Variants in XIRP2 observed in about 807,000 individuals in gnomAD.
XIRP2 encodes the protein xin actin binding repeat containing 2.
In XIRP2, 236 loss-of-function variants were observed where a neutral mutation model predicts 277.0. The ratio of observed to expected loss-of-function variants is 0.85; its 90% CI spans 0.77 to 0.95. The LOEUF (loss-of-function observed/expected upper bound fraction) is 0.95. Ranked by LOEUF, XIRP2 falls within the 40% of genes least tolerant of loss-of-function variation. XIRP2 has a pLI of 0.00. For synonymous variants in XIRP2, 1,490 were observed against 1,416.5 expected, an observed-to-expected ratio of 1.05 and a Z score of -1.17; for missense variants, 4,640 against 4,157.5, an observed-to-expected ratio of 1.12 and a Z score of -3.19.
At chr2:166,965,449 T>A (rs1165385015) in intron 2 of XIRP2, among the ~76,000 whole-genome samples, 1 of 151,926 alleles carries the variant, frequency 6.6e-6, no homozygotes, top group Non-Finnish European at 1.5e-5. Context: ...ACTAAATATT[T>A]ATAGGTGATC....
intron 3 of XIRP2, among the ~76,000 whole-genome samples, chr2:167,181,959 TC>T (rs1693026281): frequency 6.6e-6 from 1 of 152,038 alleles, no homozygotes; most frequent in African/African-American, 2.4e-5. Flanking sequence ...CTTTCTTCAC[TC>T]CCCAAAGCCC....
intron 2 of XIRP2, among the ~76,000 whole-genome samples, chr2:166,957,491 G>A (rs1686190010): frequency 6.6e-6 from 1 of 151,610 alleles, no homozygotes; most frequent in Non-Finnish European, 1.5e-5. Flanking sequence ...ACTAACATAA[G>A]GGCTTAATAC....
At chr2:166,976,280 A>G (rs940299172) in intron 2 of XIRP2, among the ~76,000 whole-genome samples, 5 of 152,160 alleles carry the variant, frequency 3.3e-5, no homozygotes, top group African/African-American at 1.2e-4. Flanking sequence ...GTGTGAAGGC[A>G]AGTCTATTCT....
At chr2:167,036,764 A>G (rs1407852519) in intron 2 of XIRP2, among the ~76,000 whole-genome samples, 1 of 152,132 alleles carries the variant, frequency 6.6e-6, no homozygotes, top group Non-Finnish European at 1.5e-5. Context: ...CCCAAATCTC[A>G]ACTTGAATTT....
intron 2 of XIRP2, among the ~76,000 whole-genome samples, chr2:167,085,454 T>G (rs1241155830): frequency 4.0e-5 from 6 of 151,500 alleles, no homozygotes; most frequent in African/African-American, 1.5e-4. Context: ...AGATGTCTAT[T>G]AGGTCTGCTT....
chr2:167,121,491 A>G (rs557497859), intron 2 of XIRP2, among the ~76,000 whole-genome samples: 1 of 152,318 alleles, frequency 6.6e-6, no homozygotes, highest in South Asian at 2.1e-4. Flanking sequence ...AAAATATGTT[A>G]AAGCAGATTA....
At chr2:166,934,605 A>G (rs1265729544) in intron 2 of XIRP2, among the ~76,000 whole-genome samples, 4 of 152,224 alleles carry the variant, frequency 2.6e-5, no homozygotes, top group Non-Finnish European at 5.9e-5. Flanking sequence ...GTTACCTATG[A>G]ACATAAAATG....
chr2:166,941,824 A>G (rs1685727376), intron 2 of XIRP2, among the ~76,000 whole-genome samples: 1 of 152,228 alleles, frequency 6.6e-6, no homozygotes, highest in African/African-American at 2.4e-5. Context: ...ACAGTTTTGT[A>G]TCTTACTTTG....
At chr2:167,232,490 G>A (rs1272667985) in intron 5 of XIRP2, among the ~76,000 whole-genome samples, 1 of 151,794 alleles carries the variant, frequency 6.6e-6, no homozygotes, top group Non-Finnish European at 1.5e-5. Flanking sequence ...TTAGTTTCTG[G>A]ACTTAATTCT....
chr2:167,123,029 C>A (rs1451118794), intron 2 of XIRP2, among the ~76,000 whole-genome samples: 1 of 152,130 alleles, frequency 6.6e-6, no homozygotes, highest in East Asian at 1.9e-4. Context: ...GACTGGAATG[C>A]AGGCAGAATT....
At chr2:167,202,628 C>G (rs1019367710) in intron 3 of XIRP2, among the ~76,000 whole-genome samples, 2 of 152,182 alleles carry the variant, frequency 1.3e-5, no homozygotes, top group Non-Finnish European at 2.9e-5. Context: ...ATTTAGGGAG[C>G]TGGAACTGAA....
chr2:167,249,821 C>A lies in XIRP2; in HGVS notation c.8429C>A (p.Ser2810Tyr). Residue 2810 changes from serine to tyrosine, a missense_variant, in exon 9 of 11, where the codon TCT becomes TAT. Transcript: ENST00000409195. Reference sequence around the variant, plus strand: ...AGGAAGCAAAGAGAATTTAGCGGATCTGACAGAGGGAAACTTCCAGGAAGT... The same window carrying A: ...AGGAAGCAAAGAGAATTTAGCGGATATGACAGAGGGAAACTTCCAGGAAGT... ...VPRKQREFSGSDRGKLPGSEE... is the reference protein window; with the variant it reads ...VPRKQREFSGYDRGKLPGSEE... 4 of 1,613,326 alleles carry A rather than the reference C, an allele frequency of 2.5e-6. No homozygotes were observed. Among genetic ancestry groups the A allele is most frequent in the Non-Finnish European group, 3.4e-6 (4 of 1,179,716 alleles).
In XIRP2 at chr2:167,252,724, T is replaced by G. The variant is rs1199118485; in HGVS notation, c.10555+777T>G. ...CCCTACTTCTTGCAATTAATGAGGC[T>G]TCATGATAAAAGAATTTTATATAAT... On this transcript the variant is annotated intron_variant, in intron 9 of 10. Coordinates refer to ENST00000409195, the MANE Select transcript of XIRP2 (RefSeq NM_152381.6). Among the ~76,000 whole-genome samples the G allele has an allele frequency of 2.6e-5, 4 of 152,088 alleles. No individual in the cohort carries two copies. In the East Asian group the frequency reaches 7.8e-4, roughly 30 times the overall value.
chr2:166,890,983 G>A (rs1684085579), intron 1 of XIRP2, among the ~76,000 whole-genome samples: 1 of 152,152 alleles, frequency 6.6e-6, no homozygotes, highest in Non-Finnish European at 1.5e-5. Flanking sequence ...TCTCTTCCAT[G>A]ACTTACTAAA....
At chr2:167,160,786 A>C (rs561967337) in intron 3 of XIRP2, among the ~76,000 whole-genome samples, 26 of 152,272 alleles carry the variant, frequency 1.7e-4, no homozygotes, top group Middle Eastern at 3.4e-3. Flanking sequence ...TTTCAAAACC[A>C]GTGCCTTCCC....
At chr2:167,040,999 A>G (rs1395330113) in intron 2 of XIRP2, among the ~76,000 whole-genome samples, 2 of 152,192 alleles carry the variant, frequency 1.3e-5, no homozygotes, top group Admixed American at 6.5e-5. Flanking sequence ...TGCATTTGCC[A>G]GCATCCTCCA....
At position 167,243,996 on chromosome 2, in the gene XIRP2, AGGT is replaced by A; in HGVS notation, c.2609_2611del (p.Gly870del). ...ATTCTCTACAACGTGAGGAGATAATAGGTGGTGATGTACAAACTACTAAGCATC... is the reference window on the plus strand; with the variant it reads ...ATTCTCTACAACGTGAGGAGATAATAGGTGATGTACAAACTACTAAGCATC... On this transcript the variant is annotated inframe_deletion, in exon 9 of 11. Transcript: ENST00000409195. 1 of 1,614,078 alleles carries A rather than the reference AGGT, an allele frequency of 6.2e-7. No homozygotes were observed.
At chr2:167,028,444 AC>A (rs1688235997) in intron 2 of XIRP2, among the ~76,000 whole-genome samples, 1 of 152,084 alleles carries the variant, frequency 6.6e-6, no homozygotes, top group African/African-American at 2.4e-5. Context: ...CTCAGATCTT[AC>A]CCAAGGCCAC....
At chr2:167,179,479 C>A (rs1159889775) in intron 3 of XIRP2, among the ~76,000 whole-genome samples, 1 of 151,772 alleles carries the variant, frequency 6.6e-6, no homozygotes, top group African/African-American at 2.4e-5. Context: ...CACCACCACA[C>A]CTGGCTAATT....
Sources: gnomAD v4.1 joint callset for allele counts (sites outside exome capture counted in the v4.1 genomes callset) on GRCh38, gnomAD v4.1.1 for gene constraint, MANE v1.5 for transcripts, NCBI Gene and HGNC (gene_info 2026-07-23, HGNC 2026-07-21) for gene names.